PTPRJ: variants seen among roughly 807,000 people sequenced by gnomAD.
PTPRJ encodes protein tyrosine phosphatase receptor type J, also known as receptor-type tyrosine-protein phosphatase eta.
Under a neutral mutation model 141.3 loss-of-function variants are expected in PTPRJ, and 129 were observed. The ratio of observed to expected loss-of-function variants is 0.91; its 90% CI spans 0.79 to 1.06. PTPRJ has a LOEUF of 1.06. PTPRJ is among the 50% of genes least tolerant of loss of function. The pLI, the probability that PTPRJ is intolerant of heterozygous loss-of-function variation, is 0.00. For synonymous variants in PTPRJ, 610 were observed against 640.5 expected, an observed-to-expected ratio of 0.95 and a Z score of 0.72; for missense variants, 1,601 against 1,679.7, an observed-to-expected ratio of 0.95 and a Z score of 0.82.
chr11:48,073,391 C>G (rs926242718), intron 1 of PTPRJ, among the ~76,000 whole-genome samples: 18 of 152,240 alleles, frequency 1.2e-4, no homozygotes, highest in African/African-American at 4.3e-4. Context: ...CAAACTCCCA[C>G]CCATCGTCCT....
chr11:48,160,124 G>C, intron 22 of PTPRJ, 75 bp downstream of exon 22: 1 of 1,548,492 alleles, frequency 6.5e-7, no homozygotes, highest in Admixed American at 1.7e-5. Context: ...GTTTTAGGTT[G>C]ATATTAACTA....
chr11:48,119,420 A>G (rs1856650435), intron 3 of PTPRJ, among the ~76,000 whole-genome samples: 1 of 151,872 alleles, frequency 6.6e-6, no homozygotes, highest in Non-Finnish European at 1.5e-5. Context: ...TTCTTTTGAG[A>G]CAGAGTCTTG....
chr11:48,134,367 C>T (rs1328269886), intron 8 of PTPRJ, among the ~76,000 whole-genome samples: 1 of 152,044 alleles, frequency 6.6e-6, no homozygotes, highest in Non-Finnish European at 1.5e-5. Context: ...GTGCCCACAG[C>T]CCTCCCCATG....
At chr11:48,086,110 A>G (rs1855699503) in intron 1 of PTPRJ, among the ~76,000 whole-genome samples, 1 of 152,222 alleles carries the variant, frequency 6.6e-6, no homozygotes, top group African/African-American at 2.4e-5. Context: ...GATTTTAGAG[A>G]AAAGGTGACA....
At chr11:48,063,025 A>G (rs1191174926) in intron 1 of PTPRJ, among the ~76,000 whole-genome samples, 2 of 152,176 alleles carry the variant, frequency 1.3e-5, no homozygotes, top group African/African-American at 2.4e-5. Flanking sequence ...ACTGATGCCT[A>G]TATTTCAAAA....
At chr11:48,082,027 GT>G (rs1855572393) in intron 1 of PTPRJ, among the ~76,000 whole-genome samples, 1 of 152,178 alleles carries the variant, frequency 6.6e-6, no homozygotes, top group Non-Finnish European at 1.5e-5. Context: ...TATCCCCACT[GT>G]TTAGAACTGG....
intron 1 of PTPRJ, among the ~76,000 whole-genome samples, chr11:48,105,719 G>T (rs1473000861): frequency 6.6e-6 from 1 of 152,140 alleles, no homozygotes; most frequent in Non-Finnish European, 1.5e-5. Flanking sequence ...TGATGTGTTG[G>T]GAGCTCTGTG....
intron 1 of PTPRJ, among the ~76,000 whole-genome samples, chr11:48,050,579 T>A (rs553074876): frequency 6.6e-6 from 1 of 152,370 alleles, no homozygotes; most frequent in Non-Finnish European, 1.5e-5. Flanking sequence ...ATGCCTGCTG[T>A]ATTCCAGGCT....
intron 1 of PTPRJ, among the ~76,000 whole-genome samples, chr11:48,089,586 A>G (rs1225822670): frequency 6.6e-6 from 1 of 151,958 alleles, no homozygotes; most frequent in African/African-American, 2.4e-5. Flanking sequence ...CTATCACCTG[A>G]GGAGCCCATT....
Position 48,131,467 on chromosome 11 carries a change from A to G in PTPRJ, c.1615+751A>G, listed in dbSNP as rs12281563. 3,179 of 769,180 alleles carry G rather than the reference A, an allele frequency of 4.1e-3. 78 individuals are homozygous for G. In the African/African-American group the frequency reaches 0.047, roughly 11 times the overall value. 47.6% of individuals were successfully genotyped at this position (769,180 alleles called of 1,614,324 possible). A position where few individuals can be genotyped will look rare whatever the true frequency, so the allele number is the denominator to read the frequency against. On this transcript the variant is annotated intron_variant, in intron 8 of 24. Transcript: ENST00000418331. ...AATCTGCCTTTTCCCCAACTTGCCA[A>G]TTAATTATGAATATTCTTTCCTCTT... is the stretch of plus-strand genomic sequence containing the variant.
chr11:48,019,645 C>T (rs963328434), intron 1 of PTPRJ, among the ~76,000 whole-genome samples: 4 of 152,072 alleles, frequency 2.6e-5, no homozygotes, highest in South Asian at 2.1e-4. Context: ...TACTGAATGC[C>T]GGCAGCTTTC....
chr11:48,145,242 T>TCTCCC lies in PTPRJ; in HGVS notation c.2911+124_2911+128dup, dbSNP rs949062160. 23 of 1,394,900 alleles carry TCTCCC rather than the reference T, an allele frequency of 1.6e-5. No homozygotes were observed. The African/African-American group carries it at 2.6e-4, about 16-fold the overall frequency. The allele number at this position is 1,394,900 out of a possible 1,614,324, so 86.4% of individuals were successfully genotyped here. A position where few individuals can be genotyped will look rare whatever the true frequency, so the allele number is the denominator to read the frequency against. ...CTTCAGGAGGGTTGGTGTGCCCAGCTCTCCCCTCCCAGAGGTTGAGATGTC... is the reference window on the plus strand; with the variant it reads ...CTTCAGGAGGGTTGGTGTGCCCAGCTCTCCCCTCCCCTCCCAGAGGTTGAGATGTC... On this transcript the variant is annotated intron_variant, in intron 14 of 24. Coordinates refer to ENST00000418331, the MANE Select transcript of PTPRJ (RefSeq NM_002843.4).
intron 8 of PTPRJ, among the ~76,000 whole-genome samples, chr11:48,133,560 C>CA (rs1857025220): frequency 6.6e-6 from 1 of 151,786 alleles, no homozygotes; most frequent in Admixed American, 6.6e-5. Context: ...AAAGCAATTT[C>CA]AAAAAAAGGA....
chr11:48,060,706 C>G (rs1438637127), intron 1 of PTPRJ, among the ~76,000 whole-genome samples: 1 of 152,190 alleles, frequency 6.6e-6, no homozygotes, highest in Non-Finnish European at 1.5e-5. Flanking sequence ...CTTTGAGCAG[C>G]CAGGATCCCC....
chr11:48,130,002 T>C (rs1856931739), intron 7 of PTPRJ, among the ~76,000 whole-genome samples: 1 of 110,160 alleles, frequency 9.1e-6, no homozygotes, highest in South Asian at 3.2e-4. Context: ...TTCCAACAGG[T>C]ATGCACACAC....
intron 1 of PTPRJ, among the ~76,000 whole-genome samples, chr11:47,995,144 G>T (rs1387998014): frequency 6.6e-6 from 1 of 152,044 alleles, no homozygotes; most frequent in Non-Finnish European, 1.5e-5. Context: ...TGTCACGATA[G>T]GCCCTATTCA....
intron 1 of PTPRJ, among the ~76,000 whole-genome samples, chr11:48,008,077 T>G (rs1419163549): frequency 6.6e-6 from 1 of 152,122 alleles, no homozygotes; most frequent in African/African-American, 2.4e-5. Flanking sequence ...GAATTGGGCT[T>G]TTAGGGTTGA....
At chr11:48,086,325 C>T (rs541683034) in intron 1 of PTPRJ, among the ~76,000 whole-genome samples, 15 of 152,266 alleles carry the variant, frequency 9.9e-5, no homozygotes, top group Admixed American at 7.2e-4. Context: ...GCACACACCA[C>T]CATGCCTGGT....
intron 1 of PTPRJ, among the ~76,000 whole-genome samples, chr11:48,027,194 A>G (rs1853839371): frequency 1.3e-5 from 2 of 150,304 alleles, no homozygotes; most frequent in Non-Finnish European, 3.0e-5. Context: ...TTTTTAATAG[A>G]GATGGGGTTT....
Sources: allele counts gnomAD v4.1 joint callset (sites outside exome capture counted in the v4.1 genomes callset), GRCh38; gene constraint gnomAD v4.1.1; transcripts MANE v1.5; gene names NCBI Gene and HGNC (gene_info 2026-07-23, HGNC 2026-07-21).